Variants in ZNF521 observed in about 807,000 individuals in gnomAD.
ZNF521 encodes LYST-interacting protein 3.
In ZNF521, 14 loss-of-function variants were observed where a neutral mutation model predicts 105.5. That is an observed-to-expected ratio of 0.13 (90% CI 0.09 to 0.21). The LOEUF is 0.21. ZNF521 is among the 10% of genes least tolerant of loss of function. ZNF521 has a pLI of 1.00. For synonymous variants in ZNF521, 635 were observed against 606.0 expected, an observed-to-expected ratio of 1.05 and a Z score of -0.70; for missense variants, 1,233 against 1,629.7, an observed-to-expected ratio of 0.76 and a Z score of 4.19.
At chr18:25,179,406 TA>T (rs1056080635) in intron 5 of ZNF521, among the ~76,000 whole-genome samples, 2 of 152,004 alleles carry the variant, frequency 1.3e-5, no homozygotes, top group African/African-American at 4.8e-5. Context: ...AATAGGGAGT[TA>T]GGTTTGAGAT....
intron 7 of ZNF521, among the ~76,000 whole-genome samples, chr18:25,078,097 GC>G (rs2033407319): frequency 6.6e-6 from 1 of 152,148 alleles, no homozygotes; most frequent in Admixed American, 6.5e-5. Context: ...TTTCCACAGG[GC>G]CCCCGCTGAT....
intron 2 of ZNF521, among the ~76,000 whole-genome samples, chr18:25,336,909 G>T (rs751728646): frequency 1.3e-5 from 2 of 152,178 alleles, no homozygotes; most frequent in Admixed American, 6.5e-5. Flanking sequence ...TATTCTAAGA[G>T]CTTACACTAA....
intron 7 of ZNF521, among the ~76,000 whole-genome samples, chr18:25,069,518 C>G (rs2033161666): frequency 6.6e-6 from 1 of 152,082 alleles, no homozygotes; most frequent in Non-Finnish European, 1.5e-5. Context: ...CCTCAAGTAC[C>G]CTACTTTGCC....
chr18:25,280,398 G>T (rs543604878), intron 3 of ZNF521, among the ~76,000 whole-genome samples: 2 of 151,492 alleles, frequency 1.3e-5, no homozygotes, highest in Non-Finnish European at 2.9e-5. Flanking sequence ...TTTTCATCAG[G>T]ATTGGGAAGG....
intron 5 of ZNF521, among the ~76,000 whole-genome samples, chr18:25,155,599 A>C (rs909083628): frequency 2.6e-5 from 4 of 152,112 alleles, no homozygotes; most frequent in African/African-American, 7.2e-5. Flanking sequence ...TTTTGTGTAC[A>C]GTGTAAGATA....
intron 3 of ZNF521, among the ~76,000 whole-genome samples, chr18:25,266,556 A>T (rs936995766): frequency 1.3e-4 from 20 of 152,158 alleles, no homozygotes; most frequent in Admixed American, 1.2e-3. Context: ...TACCCAGTTC[A>T]TCTCATTGGG....
At chr18:25,121,081 T>C (rs1485599444) in intron 5 of ZNF521, among the ~76,000 whole-genome samples, 1 of 148,862 alleles carries the variant, frequency 6.7e-6, no homozygotes, top group Non-Finnish European at 1.5e-5. Context: ...CCTTAACCCC[T>C]AAAAAATAGA....
chr18:25,079,347 G>A (rs986760191), intron 7 of ZNF521, among the ~76,000 whole-genome samples: 6 of 152,100 alleles, frequency 3.9e-5, no homozygotes, highest in African/African-American at 1.2e-4. Context: ...CTCCATCCAC[G>A]CTCAGGCCAT....
At chr18:25,208,045 T>C (rs558170739) in intron 4 of ZNF521, among the ~76,000 whole-genome samples, 1 of 151,972 alleles carries the variant, frequency 6.6e-6, no homozygotes, top group Non-Finnish European at 1.5e-5. Context: ...GATTTTTTTT[T>C]AATTTTCTTT....
chr18:25,157,435 G>A (rs2035167550), intron 5 of ZNF521, among the ~76,000 whole-genome samples: 1 of 152,214 alleles, frequency 6.6e-6, no homozygotes, highest in Non-Finnish European at 1.5e-5. Context: ...CAAATGAAGA[G>A]CATTAAGAGT....
At chr18:25,259,605 G>A (rs1311140817) in intron 3 of ZNF521, among the ~76,000 whole-genome samples, 1 of 152,098 alleles carries the variant, frequency 6.6e-6, no homozygotes, top group Non-Finnish European at 1.5e-5. Flanking sequence ...TGGAGTCGGG[G>A]TCCAGGTGAA....
intron 5 of ZNF521, among the ~76,000 whole-genome samples, chr18:25,155,777 G>T (rs1190493682): frequency 1.3e-5 from 2 of 152,070 alleles, no homozygotes; most frequent in Non-Finnish European, 2.9e-5. Flanking sequence ...ATAAATATAT[G>T]CAATAGAATA....
chr18:25,256,895 T>C (rs1345782637), intron 3 of ZNF521, among the ~76,000 whole-genome samples: 1 of 152,068 alleles, frequency 6.6e-6, no homozygotes, highest in African/African-American at 2.4e-5. Context: ...TCCAGATTTA[T>C]TGAGCATGCC....
chr18:25,184,448 G>C (rs981359355), intron 5 of ZNF521, among the ~76,000 whole-genome samples: 2 of 152,156 alleles, frequency 1.3e-5, no homozygotes, highest in Non-Finnish European at 2.9e-5. Flanking sequence ...TCTCAGTGGA[G>C]ACTCTTGCTT....
intron 3 of ZNF521, among the ~76,000 whole-genome samples, chr18:25,311,375 C>T (rs1239612972): frequency 9.0e-6 from 1 of 110,682 alleles, no homozygotes; most frequent in Admixed American, 1.0e-4. Flanking sequence ...ATGAGTCAAG[C>T]AAAAATGTAA....
At chr18:25,077,232 G>GT (rs1275097836) in intron 7 of ZNF521, among the ~76,000 whole-genome samples, 1 of 152,178 alleles carries the variant, frequency 6.6e-6, no homozygotes, top group Non-Finnish European at 1.5e-5. Context: ...ACACTGAAGG[G>GT]AAGAAAGAAC....
intron 5 of ZNF521, among the ~76,000 whole-genome samples, chr18:25,129,282 T>TTATTAA (rs1223067701): frequency 4.5e-5 from 5 of 110,028 alleles, no homozygotes; most frequent in Non-Finnish European, 1.1e-4. Context: ...ATTATTATTA[T>TTATTAA]TAATTAATCT....
At chr18:25,102,592 C>A (rs529475140) in intron 5 of ZNF521, among the ~76,000 whole-genome samples, 2 of 151,878 alleles carry the variant, frequency 1.3e-5, no homozygotes, top group Non-Finnish European at 2.9e-5. Context: ...AGTATATGTG[C>A]TCATAGCTCC....
chr18:25,122,431 A>T (rs533626474), intron 5 of ZNF521, among the ~76,000 whole-genome samples: 1 of 152,298 alleles, frequency 6.6e-6, no homozygotes, highest in Non-Finnish European at 1.5e-5. Context: ...AATTTTTGGT[A>T]TTTTCATGGT....
Sources: allele counts gnomAD v4.1 joint callset (sites outside exome capture counted in the v4.1 genomes callset), GRCh38; gene constraint gnomAD v4.1.1; transcripts MANE v1.5; gene names NCBI Gene and HGNC (gene_info 2026-07-23, HGNC 2026-07-21).